Variants in TMEM123 observed in about 807,000 individuals in gnomAD.
TMEM123 encodes the protein porimin.
Under a neutral mutation model 19.7 loss-of-function variants are expected in TMEM123, and 16 were observed. The ratio of observed to expected loss-of-function variants is 0.81; its 90% confidence interval spans 0.55 to 1.23. The LOEUF is 1.23. TMEM123 is among the 50% of genes most tolerant of loss of function. The probability of loss-of-function intolerance (pLI) is 0.00; values close to 1 mark genes in which losing one functional copy is unlikely to be tolerated. For missense variants in TMEM123, 313 were observed against 257.8 expected (o/e 1.21, Z -1.47); for synonymous variants, 118 against 99.4 (o/e 1.19, Z -1.12).
chr11:102,421,299 G>A (rs572304843), intron 2 of TMEM123, among the ~76,000 whole-genome samples: 7 of 152,190 alleles, frequency 4.6e-5, no homozygotes, highest in Admixed American at 2.6e-4. Flanking sequence ...TTGTCACAGC[G>A]GGACTAAAAT....
chr11:102,418,580 A>G lies in TMEM123; in HGVS notation c.158-16374T>C, dbSNP rs144918122. Among the ~76,000 whole-genome samples the G allele has an allele frequency of 1.1e-3, 164 of 152,384 alleles. 2 individuals carry two copies. Among genetic ancestry groups the G allele is most frequent in the South Asian group, 5.4e-3 (26 of 4,834 alleles). On this transcript the variant is annotated intron_variant, in intron 2 of 4. Transcript: ENST00000398136. ...CGCTGGTGGGAATGTAAATTAGTTC[A>G]GCCACTGTGGAAAGCAGTTTGAAGA...
chr11:102,423,735 AG>A (rs776979258), intron 2 of TMEM123, among the ~76,000 whole-genome samples: 7 of 152,370 alleles, frequency 4.6e-5, no homozygotes, highest in South Asian at 2.1e-4. Context: ...CAGTCAAAAA[AG>A]CAAGTTGTAC....
intron 4 of TMEM123, among the ~76,000 whole-genome samples, chr11:102,400,731 G>T (rs1207408953): frequency 6.6e-6 from 1 of 152,154 alleles, no homozygotes; most frequent in African/African-American, 2.4e-5. Context: ...GAACTAGCTC[G>T]CCTTCTTTCT....
In TMEM123 at chr11:102,397,134, C is replaced by T. The variant is rs1951864145; in HGVS notation, c.*1733G>A. On this transcript the variant is annotated 3_prime_UTR_variant, in exon 5 of 5. Coordinates refer to ENST00000398136, the MANE Select transcript of TMEM123 (RefSeq NM_052932.3). ...AATGTATTTTTCAGAAAATTTCCTC[C>T]ATACTCCATGTATGTGTTACATACA... 1 of 152,172 alleles carries T rather than the reference C, an allele frequency of 6.6e-6. No homozygotes were observed. Among genetic ancestry groups the T allele is most frequent in the South Asian group, 2.1e-4 (1 of 4,832 alleles). The allele number at this position is 152,172 out of a possible 1,614,324, so 9.4% of individuals were successfully genotyped here.
At chr11:102,437,723 C>G (rs1857779406) in intron 2 of TMEM123, among the ~76,000 whole-genome samples, 2 of 152,152 alleles carry the variant, frequency 1.3e-5, no homozygotes. Context: ...TTTAAAAAGA[C>G]CCAGAGACAT....
In TMEM123 at chr11:102,401,956, G is replaced by T. The variant is rs1195989590; in HGVS notation, c.408C>A (p.Thr136=). The change falls in exon 3 of 5, where the codon ACC becomes ACA. Residue 136 remains threonine (T), a synonymous_variant. Transcript: ENST00000398136. ...SQISTSTMTV[T]HNSSVTSAAS... ...CAGCAGATGTCACTGAACTATTGTG[G>T]GTTACGGTCATTGTGGATGTTGATA... is the stretch of plus-strand genomic sequence containing the variant. The T allele has an allele frequency of 6.2e-7, 1 of 1,614,152 alleles. No individual in the cohort carries two copies. The highest frequency in any genetic ancestry group is 8.5e-7 in the Non-Finnish European group (1 of 1,180,018).
Position 102,398,792 on chromosome 11 carries a change from T to G in TMEM123, c.*75A>C, listed in dbSNP as rs1056373562. 9.6e-6 allele frequency: 14 copies of G among 1,462,828 alleles called. No individual in the cohort carries two copies. The highest frequency in any genetic ancestry group is 1.4e-5 in the African/African-American group (1 of 70,960). 90.6% of individuals were successfully genotyped at this position (1,462,828 alleles called of 1,614,324 possible). A position where few individuals can be genotyped will look rare whatever the true frequency, so the allele number is the denominator to read the frequency against. ...CTATTTTCAAAAAGAGAATATTGTT[T>G]TAAACTATTAATAAACCAAAATTAA... On this transcript the variant is annotated 3_prime_UTR_variant, in exon 5 of 5. Coordinates refer to ENST00000398136, the MANE Select transcript of TMEM123 (RefSeq NM_052932.3).
chr11:102,441,877 T>C (rs889413169), intron 2 of TMEM123, among the ~76,000 whole-genome samples: 1 of 152,136 alleles, frequency 6.6e-6, no homozygotes, highest in African/African-American at 2.4e-5. Context: ...ATATCACCAC[T>C]GATCCCACAG....
intron 2 of TMEM123, among the ~76,000 whole-genome samples, chr11:102,444,435 T>G (rs1209952276): frequency 6.6e-6 from 1 of 150,600 alleles, no homozygotes; most frequent in Admixed American, 6.7e-5. Flanking sequence ...CTCAGCAAAC[T>G]ACGGCAAGGA....
chr11:102,402,081 A>C lies in TMEM123; in HGVS notation c.283T>G (p.Ser95Ala), dbSNP rs1951918571. The change falls in exon 3 of 5, where the codon TCT becomes GCT. Residue 95 changes from serine to alanine, a missense_variant. Coordinates refer to ENST00000398136, the MANE Select transcript of TMEM123 (RefSeq NM_052932.3). ...TVTTMKPTAA[S>A]NTTTPGMVST... ...ACCATCCCTGGTGTTGTTGTATTAGATGCCGCTGTAGGTTTCATGGTGGTG... is the reference window on the plus strand; with the variant it reads ...ACCATCCCTGGTGTTGTTGTATTAGCTGCCGCTGTAGGTTTCATGGTGGTG... The C allele has an allele frequency of 2.6e-5, 42 of 1,613,952 alleles. No individual in the cohort carries two copies. The highest frequency in any genetic ancestry group is 3.5e-5 in the Non-Finnish European group (41 of 1,180,006).
intron 2 of TMEM123, among the ~76,000 whole-genome samples, chr11:102,421,263 T>G (rs1350053606): frequency 6.6e-6 from 1 of 152,184 alleles, no homozygotes; most frequent in Non-Finnish European, 1.5e-5. Context: ...CAACAACAAC[T>G]TCTCATACTC....
intron 1 of TMEM123, chr11:102,452,215 G>A: frequency 3.6e-6 from 1 of 278,440 alleles, no homozygotes; most frequent in Non-Finnish European, 6.7e-6. Context: ...TTAACTTCAG[G>A]GAAAGGCTGT....
intron 2 of TMEM123, among the ~76,000 whole-genome samples, chr11:102,415,373 A>G (rs1197710392): frequency 6.6e-6 from 1 of 152,210 alleles, no homozygotes; most frequent in African/African-American, 2.4e-5. Flanking sequence ...CAACAACAGA[A>G]TATACATTCT....
chr11:102,452,499 G>T, intron 1 of TMEM123, 25 bp downstream of exon 1: 1 of 1,491,912 alleles, frequency 6.7e-7, no homozygotes, highest in Non-Finnish European at 8.9e-7. Flanking sequence ...CACGAACGGG[G>T]CTGACGACCC....
At chr11:102,426,162 A>C (rs1952124773) in intron 2 of TMEM123, among the ~76,000 whole-genome samples, 1 of 152,206 alleles carries the variant, frequency 6.6e-6, no homozygotes, top group South Asian at 2.1e-4. Flanking sequence ...TAAATATCAA[A>C]AGGAAGGTCA....
At chr11:102,448,946 C>T (rs1415339148) in intron 1 of TMEM123, 78 bp from the exon 2 acceptor site, 7 of 1,414,030 alleles carry the variant, frequency 5.0e-6, no homozygotes, top group African/African-American at 2.8e-5. Flanking sequence ...TTCTGCCTAG[C>T]GGGAGTAGGG....
Position 102,398,629 on chromosome 11 carries a change from T to C in TMEM123, c.*238A>G, listed in dbSNP as rs1326698699. ...AAAAGATAGGACTTGTTTGTCTTAC[T>C]ATGAACTTGCTAAAACCATTGTATG... On this transcript the variant is annotated 3_prime_UTR_variant, in exon 5 of 5. Coordinates refer to ENST00000398136, the MANE Select transcript of TMEM123 (RefSeq NM_052932.3). The C allele has an allele frequency of 1.9e-6, 1 of 519,246 alleles. No individual in the cohort carries two copies. The highest frequency in any genetic ancestry group is 3.3e-6 in the Non-Finnish European group (1 of 303,498). The allele number at this position is 519,246 out of a possible 1,614,324, so 32.2% of individuals were successfully genotyped here. A position where few individuals can be genotyped will look rare whatever the true frequency, so the allele number is the denominator to read the frequency against.
intron 2 of TMEM123, among the ~76,000 whole-genome samples, chr11:102,425,959 C>G (rs747914200): frequency 1.3e-5 from 2 of 152,152 alleles, no homozygotes; most frequent in African/African-American, 2.4e-5. Flanking sequence ...ACTTAGCATA[C>G]TGGCCTTTTA....
At chr11:102,415,911 TATTATTATC>T (rs912926654) in intron 2 of TMEM123, among the ~76,000 whole-genome samples, 75 of 28,784 alleles carry the variant, frequency 2.6e-3, no homozygotes, top group Middle Eastern at 0.019. Flanking sequence ...TTATTATTAT[TATTATTATC>T]ATCATTATTT....
Sources: gnomAD v4.1 joint callset for allele counts (sites outside exome capture counted in the v4.1 genomes callset) on GRCh38, gnomAD v4.1.1 for gene constraint, MANE v1.5 for transcripts, NCBI Gene and HGNC (gene_info 2026-07-23, HGNC 2026-07-21) for gene names.